THSD4: variants seen among roughly 807,000 people sequenced by gnomAD.
The protein encoded by THSD4 is thrombospondin type-1 domain-containing protein 4.
Under a neutral mutation model 119.0 loss-of-function variants are expected in THSD4, and 69 were observed. The observed-to-expected ratio is 0.58, with a 90% CI of 0.48 to 0.71. The LOEUF (loss-of-function observed/expected upper bound fraction) is 0.71. Ranked by LOEUF, THSD4 falls within the 30% of genes least tolerant of loss-of-function variation. The probability of loss-of-function intolerance (pLI) is 0.00; values close to 1 mark genes in which losing one functional copy is unlikely to be tolerated. For missense variants in THSD4, 1,393 were observed against 1,391.1 expected, an observed-to-expected ratio of 1.00 and a Z score of -0.02; for synonymous variants, 524 against 540.4, an observed-to-expected ratio of 0.97 and a Z score of 0.42.
chr15:71,463,399 A>G (rs1054784965), intron 7 of THSD4, among the ~76,000 whole-genome samples: 39 of 152,156 alleles, frequency 2.6e-4, no homozygotes, highest in African/African-American at 8.9e-4. Flanking sequence ...CTTTGAGAAC[A>G]TGTTTCAGCC....
At chr15:71,169,674 C>T (rs868714451) in intron 3 of THSD4, among the ~76,000 whole-genome samples, 1 of 152,190 alleles carries the variant, frequency 6.6e-6, no homozygotes. Flanking sequence ...CCAAAAATAC[C>T]CAGATAACAT....
Position 71,135,991 on chromosome 15 carries a change from GTTTTTTT to G in THSD4, c.-79-5438_-79-5432del, listed in dbSNP as rs10540241. Among the ~76,000 whole-genome samples, 16 of 69,100 alleles carry G rather than the reference GTTTTTTT, an allele frequency of 2.3e-4. 1 individual carries two copies. Among genetic ancestry groups the G allele is most frequent in the African/African-American group, 7.6e-4 (15 of 19,856 alleles). The allele number at this position is 69,100 out of a possible 152,430, so 45.3% of individuals were successfully genotyped here. A position where few individuals can be genotyped will look rare whatever the true frequency, so the allele number is the denominator to read the frequency against. On this transcript the variant is annotated intron_variant, in intron 1 of 17. Transcript: ENST00000261862. Reference sequence around the variant, plus strand: ...GTCCTTTGGTTTTTTGTTTAGTTTAGTTTTTTTTTTTTTTTTTTTTTTTTTTAAGACT... The same window carrying G: ...GTCCTTTGGTTTTTTGTTTAGTTTAGTTTTTTTTTTTTTTTTTTTAAGACT...
chr15:71,198,024 G>T (rs559660991), intron 3 of THSD4, among the ~76,000 whole-genome samples: 1 of 152,304 alleles, frequency 6.6e-6, no homozygotes, highest in South Asian at 2.1e-4. Context: ...GGAGGTCAAG[G>T]TGGGAGGTTC....
At chr15:71,109,942 T>C (rs1469468916) in intron 1 of THSD4, among the ~76,000 whole-genome samples, 4 of 152,210 alleles carry the variant, frequency 2.6e-5, no homozygotes, top group African/African-American at 7.2e-5. Context: ...TGGCCAGTGT[T>C]CATTGGATAT....
At chr15:71,112,337 A>G, upstream of THSD4, 1 of 1,113,766 alleles carries the variant, frequency 9.0e-7, no homozygotes, top group Non-Finnish European at 1.2e-6. Context: ...ATAATTAATT[A>G]ATAATTATAA....
At chr15:71,355,469 A>C (rs1301065381) in intron 6 of THSD4, among the ~76,000 whole-genome samples, 1 of 152,186 alleles carries the variant, frequency 6.6e-6, no homozygotes, top group African/African-American at 2.4e-5. Context: ...AATGTCTCTC[A>C]GTTTGTTGCA....
intron 7 of THSD4, among the ~76,000 whole-genome samples, chr15:71,449,400 G>A (rs181663578): frequency 3.3e-5 from 5 of 152,098 alleles, no homozygotes. Context: ...TCAGACTTGG[G>A]TTGCTGTCTG....
intron 6 of THSD4, among the ~76,000 whole-genome samples, chr15:71,364,974 TA>T (rs976777086): frequency 1.3e-5 from 2 of 152,206 alleles, no homozygotes; most frequent in Admixed American, 1.3e-4. Flanking sequence ...TGCTTCCACC[TA>T]AACAATAAAA....
chr15:71,580,706 T>C (rs547804344), intron 7 of THSD4, among the ~76,000 whole-genome samples: 3 of 152,150 alleles, frequency 2.0e-5, no homozygotes, highest in Non-Finnish European at 4.4e-5. Context: ...GAATTCAACT[T>C]TTTTTACATT....
chr15:71,496,464 T>C (rs1459696981), intron 7 of THSD4, among the ~76,000 whole-genome samples: 2 of 152,178 alleles, frequency 1.3e-5, no homozygotes, highest in African/African-American at 4.8e-5. Context: ...TTTTGTTCTA[T>C]CACTCCCAGC....
At position 71,777,224 on chromosome 15, in the gene THSD4, C is replaced by T. The variant is rs202215619; in HGVS notation, c.2915-8C>T. On this transcript the variant is annotated splice_polypyrimidine_tract_variant and splice_region_variant and intron_variant, in intron 17 of 17. Transcript: ENST00000261862. Reference sequence around the variant, plus strand: ...AGGGAGTCTTCTGTTCATTCTCTTTCGCTACAGATGAAAACTGCAAGGACA... The same window carrying T: ...AGGGAGTCTTCTGTTCATTCTCTTTTGCTACAGATGAAAACTGCAAGGACA... 2.2e-4 allele frequency: 350 copies of T among 1,614,174 alleles called. 1 individual carries two copies. The highest frequency in any genetic ancestry group is 1.5e-3 in the Middle Eastern group (9 of 6,062).
In THSD4 at chr15:71,394,078, A is replaced by T. The variant is rs985777934; in HGVS notation, c.1016-17609A>T. On this transcript the variant is annotated intron_variant, in intron 6 of 17. Coordinates refer to ENST00000261862, the MANE Select transcript of THSD4 (RefSeq NM_024817.3). Reference sequence around the variant, plus strand: ...TAAATGTGAATATCAGATACACAATATTTTTTTTTTTTTACCATATTTAGT... The same window carrying T: ...TAAATGTGAATATCAGATACACAATTTTTTTTTTTTTTTACCATATTTAGT... Among the ~76,000 whole-genome samples, 68 of 148,134 alleles carry T rather than the reference A, an allele frequency of 4.6e-4. No individual in the cohort carries two copies. In the South Asian group the frequency reaches 8.1e-3, roughly 18 times the overall value.
intron 6 of THSD4, among the ~76,000 whole-genome samples, chr15:71,329,285 G>A (rs564355018): frequency 6.6e-6 from 1 of 152,288 alleles, no homozygotes; most frequent in African/African-American, 2.4e-5. Context: ...CTGAGTGTGA[G>A]GTCAGGCCTC....
intron 7 of THSD4, among the ~76,000 whole-genome samples, chr15:71,498,237 T>A (rs544649633): frequency 6.6e-6 from 1 of 152,360 alleles, no homozygotes; most frequent in Admixed American, 6.5e-5. Flanking sequence ...TAATTTATCA[T>A]GCTTTAAGAG....
At chr15:71,274,300 G>A (rs953824558) in intron 6 of THSD4, among the ~76,000 whole-genome samples, 5 of 152,138 alleles carry the variant, frequency 3.3e-5, no homozygotes, top group African/African-American at 1.2e-4. Context: ...CACCTTTGGG[G>A]GAATTGTTGA....
chr15:71,518,295 T>G (rs992891796), intron 7 of THSD4, among the ~76,000 whole-genome samples: 1 of 152,080 alleles, frequency 6.6e-6, no homozygotes, highest in African/African-American at 2.4e-5. Context: ...TATGATACCT[T>G]GGAAATTTTT....
chr15:71,532,263 T>TGAGAGAGTGAGAGA (rs142887710), intron 7 of THSD4, among the ~76,000 whole-genome samples: 3 of 71,722 alleles, frequency 4.2e-5, no homozygotes, highest in Admixed American at 1.8e-4. Flanking sequence ...CAACAAAGGG[T>TGAGAGAGTGAGAGA]GAGAGAGAGA....
At chr15:71,148,811 C>G (rs868387631) in intron 2 of THSD4, among the ~76,000 whole-genome samples, 1 of 152,134 alleles carries the variant, frequency 6.6e-6, no homozygotes. Flanking sequence ...AGGGTCTGAC[C>G]GCCTGTGTTA....
chr15:71,707,639 T>C (rs1421413338), intron 8 of THSD4, among the ~76,000 whole-genome samples: 2 of 152,204 alleles, frequency 1.3e-5, no homozygotes, highest in African/African-American at 2.4e-5. Flanking sequence ...TTATTTCTTA[T>C]CTCTTGGGCC....
Sources: gnomAD v4.1 joint callset for allele counts (sites outside exome capture counted in the v4.1 genomes callset) on GRCh38, gnomAD v4.1.1 for gene constraint, MANE v1.5 for transcripts, NCBI Gene and HGNC (gene_info 2026-07-23, HGNC 2026-07-21) for gene names.